The following GREB1 variants were observed in gnomAD, a reference collection of about 807,000 sequenced individuals.
GREB1 encodes the protein growth regulating estrogen receptor binding 1.
In GREB1, 106 loss-of-function variants were observed where a neutral mutation model predicts 200.7. The ratio of observed to expected loss-of-function variants is 0.53; its 90% confidence interval spans 0.45 to 0.62. GREB1 has a LOEUF of 0.62. Among genes scored for constraint, GREB1 ranks in the 20% least tolerant of loss-of-function variants. GREB1 has a pLI of 0.00. For synonymous variants in GREB1, 1,132 were observed against 1,092.4 expected (o/e 1.04, Z -0.72); for missense variants, 2,243 against 2,556.8 (o/e 0.88, Z 2.65).
Position 11,610,882 on chromosome 2 carries a change from T to C in GREB1, c.2861T>C (p.Val954Ala). 6.2e-7 allele frequency: 1 copy of C among 1,613,096 alleles called. No homozygotes were observed. The highest frequency in any genetic ancestry group is 8.5e-7 in the Non-Finnish European group (1 of 1,179,822). ...CACGGGCTCATGGTCCTGCTGCGGG[T>C]GCCCTGTTCGCCCCTGGCGGTGGTG... The part of the protein sequence containing the change: ...CGHGLMVLLR[V>A]PCSPLAVVAY... The change falls in exon 18 of 33, where the codon GTG becomes GCG. Residue 954 changes from valine (V) to alanine (A), a missense_variant. Coordinates refer to ENST00000381486, the MANE Select transcript of GREB1 (RefSeq NM_014668.4).
At chr2:11,510,066 T>G (rs1159371450) in intron 1 of GREB1, among the ~76,000 whole-genome samples, 1 of 152,220 alleles carries the variant, frequency 6.6e-6, no homozygotes, top group African/African-American at 2.4e-5. Flanking sequence ...AGTTTTTTTC[T>G]TGCCATTTAT....
intron 1 of GREB1, among the ~76,000 whole-genome samples, chr2:11,486,990 G>C (rs1051552569): frequency 1.3e-5 from 2 of 152,072 alleles, no homozygotes; most frequent in African/African-American, 2.4e-5. Context: ...CTAAAAGTTA[G>C]TTAAAATTAT....
intron 1 of GREB1, among the ~76,000 whole-genome samples, chr2:11,545,115 G>A (rs916458311): frequency 1.1e-4 from 17 of 151,756 alleles, no homozygotes; most frequent in African/African-American, 3.4e-4. Flanking sequence ...GGCCCGGCCT[G>A]CTCTCGGTTT....
chr2:11,615,184 G>A lies in GREB1; in HGVS notation c.3216G>A (p.Val1072=), dbSNP rs1394586933. 1.2e-6 allele frequency: 2 copies of A among 1,614,044 alleles called. No individual in the cohort carries two copies. The highest frequency in any genetic ancestry group is 1.6e-4 in the Middle Eastern group (1 of 6,084). ...EQELGLAAYF[V]SNEVPLEKGA... is the part of the protein sequence containing the mutation. ...AGCTGGGCCTGGCTGCCTACTTTGT[G>A]AGCAACGAGGTTCCCTTGGAGAAGG... Residue 1072 remains valine, a synonymous_variant, in exon 20 of 33, where the codon GTG becomes GTA. Transcript: ENST00000381486.
Position 11,626,457 on chromosome 2 carries a change from G to A in GREB1, c.4307-505G>A, listed in dbSNP as rs189851679. Among the ~76,000 whole-genome samples, 436 of 152,174 alleles carry A rather than the reference G, an allele frequency of 2.9e-3. 2 individuals carry two copies. Among genetic ancestry groups the A allele is most frequent in the Non-Finnish European group, 5.1e-3 (344 of 68,010 alleles). ...GCAAAAATTAGCCAGGTTTGGTGGC[G>A]TGCACCTGTAATCCCAGCTACTCAG... On this transcript the variant is annotated intron_variant, in intron 24 of 32. Transcript: ENST00000381486.
In GREB1 at chr2:11,587,732, C is replaced by CACAT. The variant is rs1680287360; in HGVS notation, c.1160-1011_1160-1010insTACA. 5.8e-6 allele frequency: 7 copies of CACAT among 1,210,340 alleles called. 1 individual carries two copies. Among genetic ancestry groups the CACAT allele is most frequent in the South Asian group, 2.6e-5 (1 of 38,862 alleles). 75.0% of individuals were successfully genotyped at this position (1,210,340 alleles called of 1,614,324 possible). A position where few individuals can be genotyped will look rare whatever the true frequency, so the allele number is the denominator to read the frequency against. ...ACACACACACACACACACACACACA[C>CACAT]ACACACACACGCCACCTTTGGGAGC... is the stretch of plus-strand genomic sequence containing the variant. On this transcript the variant is annotated intron_variant, in intron 9 of 32. Transcript: ENST00000381486.
At chr2:11,572,002 C>T (rs531707496) in intron 4 of GREB1, among the ~76,000 whole-genome samples, 12 of 152,398 alleles carry the variant, frequency 7.9e-5, no homozygotes, top group East Asian at 1.9e-4. Context: ...TGAGCCACCA[C>T]GCCCAGCCGA....
Position 11,592,850 on chromosome 2 carries a change from G to A in GREB1, c.1420G>A (p.Glu474Lys), listed in dbSNP as rs1436212235. ...LRSWRESHLT[E>K]IRQYQQAPPQ... ...CTCTTGGCGCGAGTCGCACCTGACC[G>A]AGATCCGGCAGTACCAGCAGGCGCC... Residue 474 changes from glutamate (E) to lysine (K), a missense_variant, in exon 11 of 33, where the codon GAG becomes AAG. Glu to Lys is a moderately conservative substitution (Grantham distance 56). Transcript: ENST00000381486. 1 of 1,598,632 alleles carries A rather than the reference G, an allele frequency of 6.3e-7. No individual in the cohort carries two copies. The highest frequency in any genetic ancestry group is 8.5e-7 in the Non-Finnish European group (1 of 1,175,116).
At chr2:11,508,262 T>C (rs1041268313) in intron 1 of GREB1, among the ~76,000 whole-genome samples, 1 of 152,212 alleles carries the variant, frequency 6.6e-6, no homozygotes, top group Non-Finnish European at 1.5e-5. Flanking sequence ...CTCATGGCAG[T>C]TGGAATTTCT....
In GREB1 at chr2:11,642,692, T is replaced by C. The variant is rs1262910843; in HGVS notation, c.*2238T>C. On this transcript the variant is annotated 3_prime_UTR_variant, in exon 33 of 33. Transcript: ENST00000381486. ...TTTGTAAATAGCAGCTTTTGTGTCA[T>C]TCTCCCCACTTTATTAGTTAATTTA... 2 of 152,224 alleles carry C rather than the reference T, an allele frequency of 1.3e-5. No individual in the cohort carries two copies. The highest frequency in any genetic ancestry group is 2.4e-5 in the African/African-American group (1 of 41,464). The allele number at this position is 152,224 out of a possible 1,614,324, so 9.4% of individuals were successfully genotyped here. A position where few individuals can be genotyped will look rare whatever the true frequency, so the allele number is the denominator to read the frequency against.
At position 11,610,804 on chromosome 2, in the gene GREB1, C is replaced by T. The variant is rs745863931; in HGVS notation, c.2783C>T (p.Thr928Met). Residue 928 changes from threonine to methionine, a missense_variant, in exon 18 of 33, where the codon ACG becomes ATG. By Grantham distance (81) the Thr-to-Met change is moderately conservative. This residue lies in a region of GREB1 where 1,178 missense variants were observed against 1,387.4 expected (regional missense o/e 0.85). Transcript: ENST00000381486. ...PQMKNYTSVE[T>M]LEITQNLLNS... ...ATGAAGAACTACACGTCGGTGGAGA[C>T]GCTGGAGATCACGCAGAACCTCCTC... 5.6e-6 allele frequency: 9 copies of T among 1,613,512 alleles called. No homozygotes were observed. The highest frequency in any genetic ancestry group is 1.1e-5 in the South Asian group (1 of 91,088).
At chr2:11,623,276 C>G (rs909812046) in intron 23 of GREB1, among the ~76,000 whole-genome samples, 3 of 152,194 alleles carry the variant, frequency 2.0e-5, no homozygotes, top group Non-Finnish European at 2.9e-5. Flanking sequence ...CTAGCACATG[C>G]AATTATGTAC....
intron 7 of GREB1, among the ~76,000 whole-genome samples, chr2:11,583,962 G>A (rs1381462986): frequency 6.6e-6 from 1 of 152,178 alleles, no homozygotes; most frequent in Non-Finnish European, 1.5e-5. Flanking sequence ...GGGACACACA[G>A]GTTTAATAGG....
At chr2:11,545,778 GT>G (rs1245276718) in intron 1 of GREB1, among the ~76,000 whole-genome samples, 2 of 152,332 alleles carry the variant, frequency 1.3e-5, no homozygotes, top group East Asian at 3.9e-4. Flanking sequence ...TGAAGATGAA[GT>G]AAGGTTACAA....
chr2:11,599,963 A>G lies in GREB1; in HGVS notation c.2334-837A>G, dbSNP rs1167494559. Among the ~76,000 whole-genome samples the G allele has an allele frequency of 2.6e-5, 4 of 152,212 alleles. No homozygotes were observed. The East Asian group carries it at 5.8e-4, about 22-fold the overall frequency. The stretch of plus-strand genomic sequence containing the variant: ...TTGGTCATCTCCGTGAGACTGGCCT[A>G]GGGGTTGTACCTTCAGACATTTCCA... On this transcript the variant is annotated intron_variant, in intron 15 of 32. Transcript: ENST00000381486.
chr2:11,524,026 G>T (rs1271994008), intron 1 of GREB1, among the ~76,000 whole-genome samples: 1 of 150,990 alleles, frequency 6.6e-6, no homozygotes, highest in Non-Finnish European at 1.5e-5. Context: ...CATGTCTGAA[G>T]AAATGCACAC....
At chr2:11,535,614 G>A (rs1229642897) in intron 1 of GREB1, among the ~76,000 whole-genome samples, 1 of 152,086 alleles carries the variant, frequency 6.6e-6, no homozygotes, top group African/African-American at 2.4e-5. Context: ...AGAGAAATAA[G>A]GTGTGTGTTG....
chr2:11,628,890 C>T lies in GREB1; in HGVS notation c.4450-1058C>T, dbSNP rs78225048. On this transcript the variant is annotated intron_variant, in intron 25 of 32. Coordinates refer to ENST00000381486, the MANE Select transcript of GREB1 (RefSeq NM_014668.4). ...CAGTGGAAGAGGAGCATGCCTGGGA[C>T]GGTGAGGGGGCTTGAAACCAGCTGG... is the stretch of plus-strand genomic sequence containing the variant. Among the ~76,000 whole-genome samples the T allele has an allele frequency of 3.8e-3, 574 of 152,288 alleles. 4 individuals carry two copies. Among genetic ancestry groups the T allele is most frequent in the African/African-American group, 0.013 (550 of 41,574 alleles).
At position 11,580,150 on chromosome 2, in the gene GREB1, A is replaced by ATTTTC. The variant is rs1679315369; in HGVS notation, c.773-554_773-553insTTTTC. The stretch of plus-strand genomic sequence containing the variant: ...TCACGAGAACAGTATGGGGGAAACC[A>ATTTTC]CCCCCATGATTCAATTACCTCCCGC... On this transcript the variant is annotated intron_variant, in intron 6 of 32. Coordinates refer to ENST00000381486, the MANE Select transcript of GREB1 (RefSeq NM_014668.4). This position sits in a 1 kb window ranked among gnomAD's most constrained non-coding sequence, Gnocchi z 4.5. Among the ~76,000 whole-genome samples, 2 of 151,854 alleles carry ATTTTC rather than the reference A, an allele frequency of 1.3e-5. No homozygotes were observed. Among genetic ancestry groups the ATTTTC allele is most frequent in the Non-Finnish European group, 2.9e-5 (2 of 67,960 alleles).
Sources: gnomAD v4.1 joint callset for allele counts (sites outside exome capture counted in the v4.1 genomes callset) on GRCh38, gnomAD v4.1.1 for gene constraint, gnomAD v4.1.1 regional missense constraint, Gnocchi (gnomAD v3.1) non-coding constraint, MANE v1.5 for transcripts, NCBI Gene and HGNC (gene_info 2026-07-23, HGNC 2026-07-21) for gene names.